Variants in EFNA5 observed in about 807,000 individuals in gnomAD.
The protein encoded by EFNA5 is ephrin-A5.
Under a neutral mutation model 22.9 loss-of-function variants are expected in EFNA5, and 5 were observed. That is an observed-to-expected ratio of 0.22 (90% CI 0.11 to 0.46). The LOEUF is 0.46. EFNA5 is among the 20% of genes least tolerant of loss of function. EFNA5 has a pLI of 0.99. For missense variants in EFNA5, 237 were observed against 293.3 expected, an observed-to-expected ratio of 0.81 and a Z score of 1.40; for synonymous variants, 113 against 112.2, an observed-to-expected ratio of 1.01 and a Z score of -0.04.
At chr5:107,664,502 T>C (rs987116618) in intron 1 of EFNA5, among the ~76,000 whole-genome samples, 8 of 152,160 alleles carry the variant, frequency 5.3e-5, no homozygotes, top group African/African-American at 1.9e-4. Context: ...GACTAAAATA[T>C]AAATTTGATA....
At chr5:107,532,376 C>CCTGA (rs1747830858) in intron 1 of EFNA5, among the ~76,000 whole-genome samples, 1 of 152,200 alleles carries the variant, frequency 6.6e-6, no homozygotes, top group African/African-American at 2.4e-5. Flanking sequence ...ATGACCCACA[C>CCTGA]CTGACTGCCC....
At chr5:107,599,388 A>G (rs1749542376) in intron 1 of EFNA5, among the ~76,000 whole-genome samples, 1 of 151,672 alleles carries the variant, frequency 6.6e-6, no homozygotes, top group South Asian at 2.1e-4. Flanking sequence ...TTTAAGTAAG[A>G]AAGTAGGGAT....
At chr5:107,494,592 C>G (rs867309098) in intron 1 of EFNA5, among the ~76,000 whole-genome samples, 2 of 152,232 alleles carry the variant, frequency 1.3e-5, no homozygotes. Flanking sequence ...GCACACGGCA[C>G]GGGACTGGCA....
intron 1 of EFNA5, among the ~76,000 whole-genome samples, chr5:107,523,675 T>TA (rs573341952): frequency 1.0e-3 from 155 of 152,376 alleles, no homozygotes; most frequent in Middle Eastern, 3.4e-3. Context: ...AAGCTTTCTG[T>TA]AATGCTCAAA....
chr5:107,385,357 C>T (rs1276814091), intron 4 of EFNA5, among the ~76,000 whole-genome samples: 2 of 152,102 alleles, frequency 1.3e-5, no homozygotes, highest in African/African-American at 4.8e-5. Flanking sequence ...TCTAAGCAGC[C>T]TCCTATGCTA....
intron 1 of EFNA5, among the ~76,000 whole-genome samples, chr5:107,535,928 T>A (rs1015269768): frequency 5.9e-5 from 9 of 152,204 alleles, no homozygotes; most frequent in Admixed American, 4.6e-4. Context: ...CTTGTCTATC[T>A]GGAAAGCTCA....
chr5:107,403,153 C>T (rs892897567), intron 2 of EFNA5, among the ~76,000 whole-genome samples: 24 of 152,260 alleles, frequency 1.6e-4, no homozygotes, highest in African/African-American at 4.3e-4. Flanking sequence ...CGCCAGTCTC[C>T]AGAACCATCC....
At chr5:107,454,072 T>C (rs964776120) in intron 1 of EFNA5, among the ~76,000 whole-genome samples, 2 of 152,158 alleles carry the variant, frequency 1.3e-5, no homozygotes, top group African/African-American at 2.4e-5. Flanking sequence ...AATAATTCCC[T>C]TCATAGCTAA....
intron 1 of EFNA5, among the ~76,000 whole-genome samples, chr5:107,468,662 A>G (rs26247): frequency 0.29 from 43,657 of 152,102 alleles, 7,459 homozygotes; most frequent in East Asian, 0.68. Context: ...TTGGCACTCT[A>G]CCAGCTTTCA....
intron 1 of EFNA5, among the ~76,000 whole-genome samples, chr5:107,598,731 T>C (rs1749527946): frequency 6.6e-6 from 1 of 152,176 alleles, no homozygotes; most frequent in Admixed American, 6.5e-5. Flanking sequence ...TCACGGCCAG[T>C]TATATTTAAA....
At chr5:107,455,579 G>C (rs1289336038) in intron 1 of EFNA5, among the ~76,000 whole-genome samples, 1 of 152,150 alleles carries the variant, frequency 6.6e-6, no homozygotes. Context: ...ATCTTCAGTT[G>C]AGGGAAGAAG....
intron 1 of EFNA5, among the ~76,000 whole-genome samples, chr5:107,452,181 G>A (rs1749576812): frequency 6.6e-6 from 1 of 152,042 alleles, no homozygotes; most frequent in African/African-American, 2.4e-5. Context: ...ATGGACACAG[G>A]GAGGGGAACA....
At chr5:107,589,745 T>C (rs1400411340) in intron 1 of EFNA5, among the ~76,000 whole-genome samples, 2 of 152,200 alleles carry the variant, frequency 1.3e-5, no homozygotes, top group African/African-American at 4.8e-5. Context: ...GTTTACTCTC[T>C]ACCTTGATTA....
At chr5:107,625,157 A>C (rs1264287969) in intron 1 of EFNA5, among the ~76,000 whole-genome samples, 1 of 152,168 alleles carries the variant, frequency 6.6e-6, no homozygotes, top group Non-Finnish European at 1.5e-5. Flanking sequence ...TACTATGCAG[A>C]GCTAATAAAG....
In EFNA5 at chr5:107,392,895, A is replaced by C. The variant is rs544986205; in HGVS notation, c.419-5124T>G. ...AGTCCACTTAAAATATGCCTTGAAG[A>C]GAGGTAATTATAAGCTGCTGTTGAA... On this transcript the variant is annotated intron_variant, in intron 2 of 4. Transcript: ENST00000333274. Among the ~76,000 whole-genome samples the C allele has an allele frequency of 2.6e-5, 4 of 152,354 alleles. 1 individual carries two copies. The highest frequency in any genetic ancestry group is 2.1e-4 in the South Asian group (1 of 4,826).
chr5:107,429,508 C>T (rs1312403286), intron 1 of EFNA5, among the ~76,000 whole-genome samples: 1 of 152,064 alleles, frequency 6.6e-6, no homozygotes, highest in Non-Finnish European at 1.5e-5. Flanking sequence ...CATTGACAAG[C>T]CAAGATACTC....
chr5:107,381,515 T>G, intron 4 of EFNA5, 139 bp from the exon 5 acceptor site: 1 of 963,520 alleles, frequency 1.0e-6, no homozygotes, highest in Non-Finnish European at 1.4e-6. Flanking sequence ...CTTTCATGTC[T>G]GCATAATCAC....
At chr5:107,421,251 A>T (rs1748657991) in intron 2 of EFNA5, among the ~76,000 whole-genome samples, 1 of 152,244 alleles carries the variant, frequency 6.6e-6, no homozygotes, top group African/African-American at 2.4e-5. Flanking sequence ...ACATTTAAGC[A>T]TCTACAGACT....
rs1344358887 is a variant in EFNA5, at chr5:107,379,675, T to C, written c.*1580A>G. 1 of 152,014 alleles carries C rather than the reference T, an allele frequency of 6.6e-6. No homozygotes were observed. The highest frequency in any genetic ancestry group is 1.5e-5 in the Non-Finnish European group (1 of 68,016). The allele number at this position is 152,014 out of a possible 1,614,324, so 9.4% of individuals were successfully genotyped here. On this transcript the variant is annotated 3_prime_UTR_variant, in exon 5 of 5. Coordinates refer to ENST00000333274, the MANE Select transcript of EFNA5 (RefSeq NM_001962.3). ...TAGAAACCCCAAGGCTTGCATTTCCTGGTAATCGACTGGAAACGTCCCCTG... is the reference window on the plus strand; with the variant it reads ...TAGAAACCCCAAGGCTTGCATTTCCCGGTAATCGACTGGAAACGTCCCCTG...
Sources: allele counts gnomAD v4.1 joint callset (sites outside exome capture counted in the v4.1 genomes callset), GRCh38; gene constraint gnomAD v4.1.1; transcripts MANE v1.5; gene names NCBI Gene and HGNC (gene_info 2026-07-23, HGNC 2026-07-21).